Variants in CRIM1 observed in about 807,000 individuals in gnomAD.
CRIM1 encodes cysteine-rich motor neuron 1 protein.
A neutral mutation model predicts 116.4 loss-of-function variants in CRIM1; 32 were observed. The ratio of observed to expected loss-of-function variants is 0.27; its 90% CI spans 0.21 to 0.37. CRIM1 has a LOEUF of 0.37. Among genes scored for constraint, CRIM1 ranks in the 10% least tolerant of loss-of-function variants. The probability of loss-of-function intolerance (pLI) is 1.00; values close to 1 mark genes in which losing one functional copy is unlikely to be tolerated. For synonymous variants in CRIM1, 590 were observed against 509.2 expected, an observed-to-expected ratio of 1.16 and a Z score of -2.13; for missense variants, 1,331 against 1,354.8, an observed-to-expected ratio of 0.98 and a Z score of 0.28.
chr2:36,543,702 T>A (rs2302656), intron 14 of CRIM1, among the ~76,000 whole-genome samples: 21,031 of 148,606 alleles, frequency 0.14, 2,010 homozygotes, highest in East Asian at 0.44. Context: ...TTTTTTTTTT[T>A]AAAAAGACCT....
At chr2:36,537,889 T>C (rs1382715745) in intron 14 of CRIM1, among the ~76,000 whole-genome samples, 1 of 152,242 alleles carries the variant, frequency 6.6e-6, no homozygotes, top group African/African-American at 2.4e-5. Context: ...TGGTCCAAGA[T>C]GGGACCCAGA....
intron 2 of CRIM1, among the ~76,000 whole-genome samples, chr2:36,438,761 T>C (rs1474526680): frequency 6.6e-6 from 1 of 152,196 alleles, no homozygotes; most frequent in Non-Finnish European, 1.5e-5. Context: ...AGCTGATGAC[T>C]CAGGATCACA....
rs1170812428 is a variant in CRIM1 at position 36,356,776 on chromosome 2, G to A, written c.331+153G>A. On this transcript the variant is annotated intron_variant, in intron 1 of 16. Transcript: ENST00000280527. The surrounding 1 kb of genome is among the most constrained non-coding windows in gnomAD (Gnocchi z 4.3). The stretch of plus-strand genomic sequence containing the variant: ...CCGCCCCCAGGAGAGTGCCCCCGCG[G>A]CCCTGCGTTCCCTCTCCTTGTTCCC... 6.6e-6 allele frequency among the ~76,000 whole-genome samples: 1 copy of A among 152,230 alleles called. No individual in the cohort carries two copies.
At chr2:36,485,351 C>T (rs1419396828) in intron 7 of CRIM1, among the ~76,000 whole-genome samples, 1 of 152,200 alleles carries the variant, frequency 6.6e-6, no homozygotes, top group Non-Finnish European at 1.5e-5. Flanking sequence ...TAAGCCACTT[C>T]AGTCTCAGCT....
At chr2:36,377,252 C>T (rs1670395383) in intron 1 of CRIM1, among the ~76,000 whole-genome samples, 1 of 152,240 alleles carries the variant, frequency 6.6e-6, no homozygotes, top group Non-Finnish European at 1.5e-5. Flanking sequence ...GGATTAGTCA[C>T]CCCAGTCTTG....
intron 2 of CRIM1, among the ~76,000 whole-genome samples, chr2:36,417,046 C>T (rs1218861534): frequency 1.3e-5 from 2 of 152,194 alleles, no homozygotes; most frequent in Non-Finnish European, 2.9e-5. Flanking sequence ...AGACGTGGCA[C>T]CGTCCACCCA....
Position 36,356,378 on chromosome 2 carries a change from G to C in CRIM1, c.86G>C (p.Arg29Pro). The C allele has an allele frequency of 2.5e-6, 4 of 1,597,156 alleles. No homozygotes were observed. Among genetic ancestry groups the C allele is most frequent in the Non-Finnish European group, 3.4e-6 (4 of 1,174,182 alleles). ...SLLGLLLLLA[R>P]SGTRALVCLP... Reference sequence around the variant, plus strand: ...CTGGGGCTGCTGCTGCTGCTGGCGCGCTCCGGCACCCGGGCGCTGGTCTGC... The same window carrying C: ...CTGGGGCTGCTGCTGCTGCTGGCGCCCTCCGGCACCCGGGCGCTGGTCTGC... Residue 29 changes from arginine to proline, a missense_variant, in exon 1 of 17, where the codon CGC becomes CCC. Arg to Pro is a moderately radical substitution (Grantham distance 103). Coordinates refer to ENST00000280527, the MANE Select transcript of CRIM1 (RefSeq NM_016441.3). The surrounding 1 kb of genome is among the most constrained non-coding windows in gnomAD (Gnocchi z 4.3).
At chr2:36,392,638 T>G (rs1475680325) in intron 1 of CRIM1, among the ~76,000 whole-genome samples, 2 of 152,204 alleles carry the variant, frequency 1.3e-5, no homozygotes, top group Non-Finnish European at 2.9e-5. Flanking sequence ...ATTACATTTT[T>G]GCTTTCAGTC....
chr2:36,432,182 A>G (rs1394416126), intron 2 of CRIM1, among the ~76,000 whole-genome samples: 1 of 152,166 alleles, frequency 6.6e-6, no homozygotes, highest in Non-Finnish European at 1.5e-5. Context: ...GTCAGTGTTT[A>G]TGGCAAAATG....
At chr2:36,456,975 CT>C (rs1169152101) in intron 4 of CRIM1, among the ~76,000 whole-genome samples, 1 of 152,132 alleles carries the variant, frequency 6.6e-6, no homozygotes, top group Middle Eastern at 3.2e-3. Context: ...CTTACAACTT[CT>C]GTTCTCCTGC....
At chr2:36,419,212 A>C (rs913699299) in intron 2 of CRIM1, among the ~76,000 whole-genome samples, 1 of 152,210 alleles carries the variant, frequency 6.6e-6, no homozygotes, top group African/African-American at 2.4e-5. Context: ...GGCTTTTATT[A>C]TTAGGACAAC....
At chr2:36,387,661 G>A (rs559956609) in intron 1 of CRIM1, among the ~76,000 whole-genome samples, 9 of 152,254 alleles carry the variant, frequency 5.9e-5, no homozygotes, top group South Asian at 4.1e-4. Context: ...AAAAAATTTC[G>A]GAAATGGAGC....
chr2:36,448,848 G>C (rs1274852090), intron 4 of CRIM1, among the ~76,000 whole-genome samples: 1 of 152,050 alleles, frequency 6.6e-6, no homozygotes, highest in African/African-American at 2.4e-5. Context: ...AGTTTCTTCT[G>C]GGTTGTGTGC....
At chr2:36,463,099 C>T (rs848534) in intron 4 of CRIM1, among the ~76,000 whole-genome samples, 58,849 of 151,952 alleles carry the variant, frequency 0.39, 13,108 homozygotes, top group African/African-American at 0.58. Flanking sequence ...AATAGAACTG[C>T]CACCCCACAT....
intron 2 of CRIM1, among the ~76,000 whole-genome samples, chr2:36,423,811 G>A (rs141463122): frequency 1.3e-5 from 2 of 152,242 alleles, no homozygotes; most frequent in East Asian, 1.9e-4. Flanking sequence ...TATGCACCAG[G>A]TATTAGTCTA....
chr2:36,458,644 G>T (rs2124991704), intron 4 of CRIM1, among the ~76,000 whole-genome samples: 1 of 152,282 alleles, frequency 6.6e-6, no homozygotes, highest in Non-Finnish European at 1.5e-5. Context: ...GGGCCTGAAG[G>T]TTGAGGTGCT....
At chr2:36,394,706 TA>T (rs756404079) in intron 1 of CRIM1, among the ~76,000 whole-genome samples, 18 of 152,036 alleles carry the variant, frequency 1.2e-4, no homozygotes, top group South Asian at 6.2e-4. Flanking sequence ...AAATAAAACA[TA>T]AATTGTGTGT....
intron 7 of CRIM1, among the ~76,000 whole-genome samples, chr2:36,489,880 C>G (rs1051508430): frequency 2.6e-5 from 4 of 152,186 alleles, no homozygotes; most frequent in Admixed American, 6.5e-5. Flanking sequence ...TAAGAGATTT[C>G]TGTTCTCTTG....
intron 4 of CRIM1, among the ~76,000 whole-genome samples, chr2:36,445,840 C>T (rs1024209286): frequency 9.9e-5 from 15 of 151,772 alleles, no homozygotes; most frequent in Non-Finnish European, 1.3e-4. Flanking sequence ...AGAAAAACTA[C>T]GTAACTTTAT....
Sources: gnomAD v4.1 joint callset for allele counts (sites outside exome capture counted in the v4.1 genomes callset) on GRCh38, gnomAD v4.1.1 for gene constraint, Gnocchi (gnomAD v3.1) non-coding constraint, MANE v1.5 for transcripts, NCBI Gene and HGNC (gene_info 2026-07-23, HGNC 2026-07-21) for gene names.